Variants in CSGALNACT2 observed in about 807,000 individuals in gnomAD.
The protein encoded by CSGALNACT2 is beta 4 GalNAcT-2.
Under a neutral mutation model 55.3 loss-of-function variants are expected in CSGALNACT2, and 35 were observed. The ratio of observed to expected loss-of-function variants is 0.63; its 90% confidence interval spans 0.48 to 0.84. The LOEUF (loss-of-function observed/expected upper bound fraction) is 0.84. Among genes scored for constraint, CSGALNACT2 ranks in the 40% least tolerant of loss-of-function variants. CSGALNACT2 has a pLI of 0.00. For missense variants in CSGALNACT2, 544 were observed against 657.5 expected, an observed-to-expected ratio of 0.83 and a Z score of 1.89; for synonymous variants, 196 against 224.9, an observed-to-expected ratio of 0.87 and a Z score of 1.15.
chr10:43,167,371 A>G (rs1276386797), intron 6 of CSGALNACT2, among the ~76,000 whole-genome samples: 1 of 152,210 alleles, frequency 6.6e-6, no homozygotes, highest in African/African-American at 2.4e-5. Flanking sequence ...GAAATTGTAC[A>G]GTCATTTCTA....
At position 43,184,598 on chromosome 10, in the gene CSGALNACT2, A is replaced by AAGGG. The variant is rs1839659432; in HGVS notation, c.*1060_*1063dup. On this transcript the variant is annotated 3_prime_UTR_variant, in exon 8 of 8. Transcript: ENST00000374466. ...CCACAAGATCACTCTGATTTGAGAAAAGGGAGGAGGGGAAGATAGTCTGAA... is the reference window on the plus strand; with the variant it reads ...CCACAAGATCACTCTGATTTGAGAAAAGGGAGGGAGGAGGGGAAGATAGTCTGAA... The AAGGG allele has an allele frequency of 6.6e-6, 1 of 152,272 alleles. No individual in the cohort carries two copies. Among genetic ancestry groups the AAGGG allele is most frequent in the African/African-American group, 2.4e-5 (1 of 41,476 alleles). 9.4% of individuals were successfully genotyped at this position (152,272 alleles called of 1,614,324 possible). A position where few individuals can be genotyped will look rare whatever the true frequency, so the allele number is the denominator to read the frequency against.
chr10:43,154,760 A>G (rs1176241733), intron 1 of CSGALNACT2, 137 bp from the exon 2 acceptor site: 1 of 157,596 alleles, frequency 6.3e-6, no homozygotes, highest in African/African-American at 2.4e-5. Context: ...GTATTTACTG[A>G]ATATTCTAAA....
intron 1 of CSGALNACT2, among the ~76,000 whole-genome samples, chr10:43,153,894 T>C (rs1431443281): frequency 6.6e-6 from 1 of 152,242 alleles, no homozygotes; most frequent in Non-Finnish European, 1.5e-5. Flanking sequence ...ATGTTTTTTC[T>C]TTATATAGAC....
rs1184706704 is a variant in CSGALNACT2, at chr10:43,177,311, ATTAAT to A, written c.1336+1284_1336+1288del. Among the ~76,000 whole-genome samples the A allele has an allele frequency of 4.6e-5, 7 of 152,158 alleles. 1 individual carries two copies. The highest frequency in any genetic ancestry group is 1.2e-4 in the African/African-American group (5 of 41,432). On this transcript the variant is annotated intron_variant, in intron 7 of 7. Transcript: ENST00000374466. Reference sequence around the variant, plus strand: ...ATATAGTTTACATATCATAAAATTTATTAATTTAAAGTGTACGGTTAACCAGGTCA... The same window carrying A: ...ATATAGTTTACATATCATAAAATTTATTAAAGTGTACGGTTAACCAGGTCA...
intron 1 of CSGALNACT2, among the ~76,000 whole-genome samples, chr10:43,150,651 T>G (rs1838856418): frequency 6.6e-6 from 1 of 152,216 alleles, no homozygotes; most frequent in Non-Finnish European, 1.5e-5. Context: ...GATTTTCTCT[T>G]TACATTGGAT....
At chr10:43,141,037 C>T (rs1440729103) in intron 1 of CSGALNACT2, among the ~76,000 whole-genome samples, 1 of 152,064 alleles carries the variant, frequency 6.6e-6, no homozygotes, top group African/African-American at 2.4e-5. Context: ...TGAACACATA[C>T]AGGCTGCCAT....
intron 1 of CSGALNACT2, among the ~76,000 whole-genome samples, chr10:43,149,321 G>C (rs1233640004): frequency 6.6e-6 from 1 of 152,088 alleles, no homozygotes; most frequent in Admixed American, 6.5e-5. Context: ...TCCTGACCTC[G>C]TGGGATCTGC....
intron 2 of CSGALNACT2, among the ~76,000 whole-genome samples, chr10:43,156,816 C>G (rs544110464): frequency 1.4e-4 from 21 of 152,356 alleles, no homozygotes; most frequent in Admixed American, 7.8e-4. Flanking sequence ...TAATGCTTGC[C>G]AGGCTCCCAT....
intron 1 of CSGALNACT2, among the ~76,000 whole-genome samples, chr10:43,149,975 G>A (rs1588894175): frequency 1.3e-5 from 2 of 152,164 alleles, no homozygotes; most frequent in Non-Finnish European, 2.9e-5. Context: ...GCTGAGGCAG[G>A]AGAATCCCTT....
At chr10:43,143,346 G>C (rs1395646308) in intron 1 of CSGALNACT2, among the ~76,000 whole-genome samples, 5 of 151,854 alleles carry the variant, frequency 3.3e-5, no homozygotes, top group Non-Finnish European at 7.4e-5. Flanking sequence ...ATTTTATTTT[G>C]CTGTTACGTG....
intron 1 of CSGALNACT2, among the ~76,000 whole-genome samples, chr10:43,145,848 T>G (rs1347684096): frequency 1.3e-5 from 2 of 152,212 alleles, no homozygotes; most frequent in South Asian, 2.1e-4. Context: ...TCCAGGGGAT[T>G]TACAGACCTG....
At chr10:43,180,802 C>T (rs952205839) in intron 7 of CSGALNACT2, among the ~76,000 whole-genome samples, 1 of 152,148 alleles carries the variant, frequency 6.6e-6, no homozygotes, top group Non-Finnish European at 1.5e-5. Context: ...CTTAGTGATC[C>T]TGTATCCCAG....
chr10:43,179,296 C>T (rs2133156897), intron 7 of CSGALNACT2, among the ~76,000 whole-genome samples: 1 of 145,742 alleles, frequency 6.9e-6, no homozygotes, highest in South Asian at 2.2e-4. Context: ...TGTTTCTTTG[C>T]ATTCCTCATT....
intron 6 of CSGALNACT2, among the ~76,000 whole-genome samples, chr10:43,168,453 AAAAAC>A (rs1199446797): frequency 6.6e-6 from 1 of 152,162 alleles, no homozygotes; most frequent in Non-Finnish European, 1.5e-5. Context: ...TCCATCTCAA[AAAAAC>A]AAAACAAAAA....
chr10:43,152,420 C>CAAGT (rs1838895577), intron 1 of CSGALNACT2, among the ~76,000 whole-genome samples: 1 of 44,368 alleles, frequency 2.3e-5, no homozygotes, highest in South Asian at 4.6e-4. Context: ...CAGAATTATG[C>CAAGT]AACTTTTACA....
chr10:43,159,742 AAAT>A (rs1282877961), intron 3 of CSGALNACT2, among the ~76,000 whole-genome samples: 6 of 152,214 alleles, frequency 3.9e-5, no homozygotes, highest in Non-Finnish European at 7.3e-5. Flanking sequence ...CTGAAGTGTT[AAAT>A]AATTATCTAC....
At position 43,178,374 on chromosome 10, in the gene CSGALNACT2, G is replaced by A. The variant is rs1315350644; in HGVS notation, c.1336+2342G>A. On this transcript the variant is annotated intron_variant, in intron 7 of 7. Coordinates refer to ENST00000374466, the MANE Select transcript of CSGALNACT2 (RefSeq NM_018590.5). Reference sequence around the variant, plus strand: ...ACGGTGGCTCACGCCTGTAATCCCAGCACTTTGGGAGGCCGAGGCGGGCAG... The same window carrying A: ...ACGGTGGCTCACGCCTGTAATCCCAACACTTTGGGAGGCCGAGGCGGGCAG... Among the ~76,000 whole-genome samples, 3 of 152,292 alleles carry A rather than the reference G, an allele frequency of 2.0e-5. No individual in the cohort carries two copies. In the East Asian group the frequency reaches 5.8e-4, roughly 29 times the overall value.
chr10:43,158,062 G>A (rs1320788503), intron 2 of CSGALNACT2, among the ~76,000 whole-genome samples: 1 of 148,100 alleles, frequency 6.8e-6, no homozygotes, highest in Non-Finnish European at 1.5e-5. Flanking sequence ...AGATTGCCTC[G>A]TAGATGCGCA....
chr10:43,155,658 AG>A lies in CSGALNACT2; in HGVS notation c.510del (p.Lys170AsnfsTer42). 1 of 1,614,250 alleles carries A rather than the reference AG, an allele frequency of 6.2e-7. No individual in the cohort carries two copies. Among genetic ancestry groups the A allele is most frequent in the Non-Finnish European group, 8.5e-7 (1 of 1,180,036 alleles). On this transcript the variant is annotated frameshift_variant, in exon 2 of 8. Coordinates refer to ENST00000374466, the MANE Select transcript of CSGALNACT2 (RefSeq NM_018590.5). LOFTEE classifies it high-confidence loss of function. ...GGTCTCACTCGCCATCCTGAAGAAA[AG>A]CCAGTTAGAAAAGACAAACGAGATG... ...EMGLTRHPEE[K>X]PVRKDKRDEL...
Sources: allele counts gnomAD v4.1 joint callset (sites outside exome capture counted in the v4.1 genomes callset), GRCh38; gene constraint gnomAD v4.1.1; transcripts MANE v1.5; gene names NCBI Gene and HGNC (gene_info 2026-07-23, HGNC 2026-07-21).